Variants in CDH18 observed in about 807,000 individuals in gnomAD.
The protein encoded by CDH18 is cadherin 18.
In CDH18, 31 loss-of-function variants were observed where a neutral mutation model predicts 67.9. The observed-to-expected ratio is 0.46, with a 90% CI of 0.34 to 0.62. The LOEUF (loss-of-function observed/expected upper bound fraction) is 0.62, where lower values mean the gene tolerates loss of function less well. Among genes scored for constraint, CDH18 ranks in the 20% least tolerant of loss-of-function variants. CDH18 has a pLI of 0.01. For missense variants in CDH18, 890 were observed against 975.5 expected (o/e 0.91, Z 1.17); for synonymous variants, 362 against 347.2 (o/e 1.04, Z -0.48).
intron 1 of CDH18, among the ~76,000 whole-genome samples, chr5:20,376,490 G>A (rs1743456079): frequency 6.6e-6 from 1 of 151,366 alleles, no homozygotes. Context: ...AATGATGTTG[G>A]GGTTTTGATT....
chr5:19,541,698 T>C (rs997353776), intron 9 of CDH18, among the ~76,000 whole-genome samples: 1 of 152,120 alleles, frequency 6.6e-6, no homozygotes, highest in Non-Finnish European at 1.5e-5. Flanking sequence ...CTGAGACTTA[T>C]TCACTATCAT....
chr5:20,478,298 C>T (rs1752571887), intron 1 of CDH18, among the ~76,000 whole-genome samples: 1 of 152,094 alleles, frequency 6.6e-6, no homozygotes, highest in South Asian at 2.1e-4. Flanking sequence ...AAAGTTGGCT[C>T]CTGGGGTCCC....
intron 2 of CDH18, among the ~76,000 whole-genome samples, chr5:20,068,436 T>C (rs574205396): frequency 1.3e-5 from 2 of 152,230 alleles, no homozygotes; most frequent in South Asian, 4.1e-4. Flanking sequence ...TGGTGTCTCC[T>C]GAGGAAAATG....
intron 2 of CDH18, among the ~76,000 whole-genome samples, chr5:20,193,740 A>G (rs1738730217): frequency 6.6e-6 from 1 of 152,120 alleles, no homozygotes; most frequent in Non-Finnish European, 1.5e-5. Flanking sequence ...CACATCAAAA[A>G]ACTTATCCAC....
intron 2 of CDH18, among the ~76,000 whole-genome samples, chr5:20,191,758 T>C (rs1325006461): frequency 6.6e-6 from 1 of 152,192 alleles, no homozygotes; most frequent in Non-Finnish European, 1.5e-5. Context: ...CAGTCTATCA[T>C]TGATGGACAT....
intron 1 of CDH18, among the ~76,000 whole-genome samples, chr5:20,370,258 C>G (rs531374119): frequency 4.8e-4 from 71 of 148,120 alleles, no homozygotes; most frequent in Non-Finnish European, 9.3e-4. Flanking sequence ...GTCATCATTA[C>G]TATCCTCATC....
chr5:20,173,071 A>G lies in CDH18; in HGVS notation c.-518+82373T>C, dbSNP rs1430327656. Among the ~76,000 whole-genome samples, 10 of 152,304 alleles carry G rather than the reference A, an allele frequency of 6.6e-5. No individual in the cohort carries two copies. The East Asian group carries it at 1.5e-3, about 24-fold the overall frequency. ...CTAAACACAAACAACTAGAATATTC[A>G]GAAATTCTTCAGCCAACAGATCTGC... On this transcript the variant is annotated intron_variant, in intron 2 of 14. Transcript: ENST00000507958.
chr5:19,550,241 G>A (rs1286219513), intron 8 of CDH18, among the ~76,000 whole-genome samples: 4 of 152,072 alleles, frequency 2.6e-5, no homozygotes, highest in Non-Finnish European at 5.9e-5. Flanking sequence ...CACCATGTTA[G>A]ACTTTAGTAG....
Position 19,621,266 on chromosome 5 carries a change from C to A in CDH18, c.644-8665G>T, listed in dbSNP as rs187758215. Among the ~76,000 whole-genome samples, 3 of 146,020 alleles carry A rather than the reference C, an allele frequency of 2.1e-5. No homozygotes were observed. The East Asian group carries it at 6.1e-4, about 30-fold the overall frequency. ...AAATTGATGTTTCTGGATCATAAGG[C>A]AGTTCTATTTCTTAATATTGTGTTG... On this transcript the variant is annotated intron_variant, in intron 5 of 12. Coordinates refer to ENST00000382275, the MANE Select transcript of CDH18 (RefSeq NM_004934.5).
chr5:20,513,685 G>A (rs1045400990), intron 1 of CDH18, among the ~76,000 whole-genome samples: 1 of 152,008 alleles, frequency 6.6e-6, no homozygotes, highest in Non-Finnish European at 1.5e-5. Flanking sequence ...ATAACTTTTT[G>A]GGCCTAACAA....
chr5:19,543,863 G>A lies in CDH18; in HGVS notation c.1390+6C>T. ...ATCTTTTACTGTGATACATAAAGTAGTTTACCAATTTCTGAAGCAGTGACT... is the reference window on the plus strand; with the variant it reads ...ATCTTTTACTGTGATACATAAAGTAATTTACCAATTTCTGAAGCAGTGACT... On this transcript the variant is annotated splice_donor_region_variant and intron_variant, in intron 9 of 12. Coordinates refer to ENST00000382275, the MANE Select transcript of CDH18 (RefSeq NM_004934.5). 1 of 1,571,462 alleles carries A rather than the reference G, an allele frequency of 6.4e-7. No homozygotes were observed. Among genetic ancestry groups the A allele is most frequent in the Non-Finnish European group, 8.7e-7 (1 of 1,155,218 alleles).
intron 1 of CDH18, among the ~76,000 whole-genome samples, chr5:20,406,849 C>CA (rs1279426765): frequency 6.6e-6 from 1 of 152,098 alleles, no homozygotes; most frequent in Non-Finnish European, 1.5e-5. Flanking sequence ...ATAAACTAGT[C>CA]AAAAGGCTTT....
Position 20,358,452 on chromosome 5 carries a change from T to C in CDH18, c.-579-102947A>G, listed in dbSNP as rs1741812523. Among the ~76,000 whole-genome samples, 9 of 152,312 alleles carry C rather than the reference T, an allele frequency of 5.9e-5. No individual in the cohort carries two copies. In the South Asian group the frequency reaches 1.7e-3, roughly 28 times the overall value. On this transcript the variant is annotated intron_variant, in intron 1 of 14. Transcript: ENST00000507958. ...TAAAGGGTACAGATATTTCTGATTA[T>C]AGCTAGCGTTTTTTGTGGAGAGGTA...
chr5:19,612,745 A>G (rs1183639407), intron 5 of CDH18, 144 bp from the exon 6 acceptor site: 2 of 640,550 alleles, frequency 3.1e-6, no homozygotes, highest in South Asian at 2.0e-5. Context: ...ACAATATCTT[A>G]CCAATGCATG....
At chr5:20,520,982 C>G (rs1755708208) in intron 1 of CDH18, among the ~76,000 whole-genome samples, 1 of 152,148 alleles carries the variant, frequency 6.6e-6, no homozygotes, top group Admixed American at 6.6e-5. Context: ...TCTAGCATAA[C>G]CTCTCACCAA....
intron 2 of CDH18, among the ~76,000 whole-genome samples, chr5:19,922,513 T>C (rs756100838): frequency 6.6e-6 from 1 of 152,236 alleles, no homozygotes; most frequent in South Asian, 2.1e-4. Context: ...ATATCTTTGA[T>C]CCTGTCAGAT....
intron 2 of CDH18, among the ~76,000 whole-genome samples, chr5:20,104,339 T>C (rs1173186515): frequency 1.3e-5 from 2 of 152,094 alleles, no homozygotes; most frequent in Non-Finnish European, 2.9e-5. Flanking sequence ...TAGAGAAATG[T>C]AATAGAGTCA....
At chr5:19,512,213 TG>T (rs1199974152) in intron 10 of CDH18, among the ~76,000 whole-genome samples, 1 of 152,308 alleles carries the variant, frequency 6.6e-6, no homozygotes, top group East Asian at 1.9e-4. Context: ...TGCCATATTA[TG>T]AGAATATACT....
intron 2 of CDH18, among the ~76,000 whole-genome samples, chr5:20,012,749 T>G (rs1580029447): frequency 6.6e-6 from 1 of 152,230 alleles, no homozygotes; most frequent in East Asian, 1.9e-4. Flanking sequence ...TCATGTCCTT[T>G]GTAGGGACAT....
Sources: allele counts gnomAD v4.1 joint callset (sites outside exome capture counted in the v4.1 genomes callset), GRCh38; gene constraint gnomAD v4.1.1; transcripts MANE v1.5; gene names NCBI Gene and HGNC (gene_info 2026-07-23, HGNC 2026-07-21).